SOX6: variants seen among roughly 807,000 people sequenced by gnomAD.
SOX6 encodes the protein transcription factor SOX-6.
In SOX6, 11 loss-of-function variants were observed where a neutral mutation model predicts 97.8. That is an observed-to-expected ratio of 0.11 (90% confidence interval 0.07 to 0.19). SOX6 has a LOEUF of 0.19. Ranked by LOEUF, SOX6 falls within the 10% of genes least tolerant of loss-of-function variation. The probability of loss-of-function intolerance (pLI) is 1.00; values close to 1 mark genes in which losing one functional copy is unlikely to be tolerated. For synonymous variants in SOX6, 360 were observed against 371.4 expected (o/e 0.97, Z 0.35); for missense variants, 810 against 1,039.5 (o/e 0.78, Z 3.04).
At chr11:16,500,613 T>G (rs1226713749) in intron 4 of SOX6, among the ~76,000 whole-genome samples, 1 of 152,190 alleles carries the variant, frequency 6.6e-6, no homozygotes, top group Non-Finnish European at 1.5e-5. Context: ...CAGCAAAGTC[T>G]CAGGATACAA....
intron 1 of SOX6, among the ~76,000 whole-genome samples, chr11:16,433,556 G>T (rs956130226): frequency 6.6e-6 from 1 of 151,918 alleles, no homozygotes; most frequent in Middle Eastern, 3.4e-3. Flanking sequence ...GTTATATTTT[G>T]GTTATTAATA....
intron 3 of SOX6, among the ~76,000 whole-genome samples, chr11:16,647,285 C>T (rs539844163): frequency 2.0e-5 from 3 of 152,060 alleles, no homozygotes; most frequent in Admixed American, 2.0e-4. Context: ...CTATGCCCCT[C>T]CCCCTTTCCC....
At position 16,186,821 on chromosome 11, in the gene SOX6, G is replaced by T; in HGVS notation, c.670C>A (p.Arg224=). ...KLAASQIEKQ[R]QQMDLARQQQ... is the part of the protein sequence containing the mutation. Reference sequence around the variant, plus strand: ...TGGCGAGCAAGGTCCATTTGCTGCCGTTGTTTCTCAATTTGTGACGCTGCC... The same window carrying T: ...TGGCGAGCAAGGTCCATTTGCTGCCTTTGTTTCTCAATTTGTGACGCTGCC... The change falls in exon 5 of 16, where the codon CGG becomes AGG. Residue 224 remains arginine, a synonymous_variant. Coordinates refer to ENST00000683767, the MANE Select transcript of SOX6 (RefSeq NM_001367873.1). 1 of 1,613,618 alleles carries T rather than the reference G, an allele frequency of 6.2e-7. No individual in the cohort carries two copies. Among genetic ancestry groups the T allele is most frequent in the South Asian group, 1.1e-5 (1 of 91,064 alleles).
intron 1 of SOX6, among the ~76,000 whole-genome samples, chr11:16,363,640 TTAAA>T (rs1259641175): frequency 4.2e-4 from 64 of 152,230 alleles, no homozygotes; most frequent in African/African-American, 1.5e-3. Flanking sequence ...TAAAAACAGG[TTAAA>T]ACTTTATTTT....
intron 10 of SOX6, among the ~76,000 whole-genome samples, chr11:16,053,686 C>CAA (rs1223618563): frequency 6.6e-6 from 1 of 151,980 alleles, no homozygotes; most frequent in Non-Finnish European, 1.5e-5. Context: ...TTATAGTAGA[C>CAA]AAAAGTTTTA....
chr11:16,689,949 G>A (rs1590053374), intron 3 of SOX6, among the ~76,000 whole-genome samples: 1 of 143,868 alleles, frequency 7.0e-6, no homozygotes, highest in South Asian at 2.2e-4. Context: ...TTTTTTGAAA[G>A]AGTCTCACTC....
intron 1 of SOX6, among the ~76,000 whole-genome samples, chr11:16,425,327 G>A (rs1859102585): frequency 6.6e-6 from 1 of 152,134 alleles, no homozygotes; most frequent in African/African-American, 2.4e-5. Flanking sequence ...TATTCATTCA[G>A]CAAATATTTA....
chr11:16,357,727 T>C (rs1366116896), upstream of SOX6, among the ~76,000 whole-genome samples: 2 of 152,158 alleles, frequency 1.3e-5, no homozygotes, highest in Non-Finnish European at 2.9e-5. Context: ...AAACAAATAA[T>C]GCTTAGTAGA....
At chr11:16,326,935 T>C (rs1856113453) in intron 2 of SOX6, among the ~76,000 whole-genome samples, 1 of 152,188 alleles carries the variant, frequency 6.6e-6, no homozygotes, top group Non-Finnish European at 1.5e-5. Flanking sequence ...TAGGGTTTCT[T>C]GGACATCTTA....
At chr11:16,284,152 A>T (rs1854663484) in intron 3 of SOX6, among the ~76,000 whole-genome samples, 1 of 152,148 alleles carries the variant, frequency 6.6e-6, no homozygotes. Context: ...GATATCTCTT[A>T]CAGTAGAGAA....
intron 3 of SOX6, among the ~76,000 whole-genome samples, chr11:16,663,001 T>C (rs577703996): frequency 3.5e-4 from 53 of 150,326 alleles, no homozygotes; most frequent in Admixed American, 1.7e-3. Context: ...TAAAAAAAAG[T>C]ATTAACAAAA....
chr11:16,277,705 T>C (rs979048527), intron 3 of SOX6, among the ~76,000 whole-genome samples: 11 of 152,186 alleles, frequency 7.2e-5, no homozygotes, highest in Non-Finnish European at 1.5e-4. Flanking sequence ...GGAGTGAAGA[T>C]AGAAAATCCC....
In SOX6 at chr11:16,183,879, C is replaced by T; in HGVS notation, c.777+7G>A. On this transcript the variant is annotated splice_region_variant and intron_variant, in intron 6 of 15. Transcript: ENST00000683767. The stretch of plus-strand genomic sequence containing the variant: ...ATAATCAGACGAGAGTAATAAAATA[C>T]ACTGACCTGGATCTGTTGCTGCAGG... 3 of 1,611,582 alleles carry T rather than the reference C, an allele frequency of 1.9e-6. No homozygotes were observed. Among genetic ancestry groups the T allele is most frequent in the Non-Finnish European group, 2.5e-6 (3 of 1,178,166 alleles).
At chr11:16,295,961 T>C (rs1855071831) in intron 3 of SOX6, among the ~76,000 whole-genome samples, 1 of 152,088 alleles carries the variant, frequency 6.6e-6, no homozygotes, top group Admixed American at 6.6e-5. Context: ...TAGTGAGGCA[T>C]CACTGGTGCT....
chr11:16,345,175 A>G (rs1331570387), intron 1 of SOX6, among the ~76,000 whole-genome samples: 1 of 151,968 alleles, frequency 6.6e-6, no homozygotes, highest in African/African-American at 2.4e-5. Flanking sequence ...AGGAAATTAC[A>G]CTCACATGGT....
At chr11:16,642,204 T>C (rs1001766708) in intron 3 of SOX6, among the ~76,000 whole-genome samples, 1 of 152,188 alleles carries the variant, frequency 6.6e-6, no homozygotes, top group Non-Finnish European at 1.5e-5. Flanking sequence ...GGGTTGAAAA[T>C]TCTTTTCTTT....
intron 1 of SOX6, among the ~76,000 whole-genome samples, chr11:16,458,397 TG>T (rs1179490023): frequency 2.4e-5 from 3 of 122,770 alleles, no homozygotes; most frequent in Non-Finnish European, 3.4e-5. Context: ...TCACCTACTT[TG>T]TACCCACAAA....
chr11:16,492,495 T>C (rs183379265), intron 4 of SOX6, among the ~76,000 whole-genome samples: 71 of 152,340 alleles, frequency 4.7e-4, no homozygotes, highest in Middle Eastern at 3.4e-3. Context: ...TTAATCAGCA[T>C]TGAGTAAGTG....
At chr11:16,073,183 A>AGCT (rs1213178494) in intron 9 of SOX6, among the ~76,000 whole-genome samples, 1 of 152,174 alleles carries the variant, frequency 6.6e-6, no homozygotes, top group African/African-American at 2.4e-5. Context: ...CCTAACTATG[A>AGCT]GCTGTCTACA....
Sources: allele counts gnomAD v4.1 joint callset (sites outside exome capture counted in the v4.1 genomes callset), GRCh38; gene constraint gnomAD v4.1.1; transcripts MANE v1.5; gene names NCBI Gene and HGNC (gene_info 2026-07-23, HGNC 2026-07-21).